Variants in PPP2R3A observed in about 807,000 individuals in gnomAD.
PPP2R3A encodes the protein serine/threonine-protein phosphatase 2A regulatory subunit B'' subunit alpha.
PPP2R3A carries 80 observed loss-of-function variants against 106.9 expected under a neutral mutation model. The ratio of observed to expected loss-of-function variants is 0.75; its 90% confidence interval spans 0.62 to 0.90. The LOEUF is 0.90. Among genes scored for constraint, PPP2R3A ranks in the 40% least tolerant of loss-of-function variants. PPP2R3A has a pLI of 0.00. For missense variants in PPP2R3A, 1,386 were observed against 1,350.4 expected, an observed-to-expected ratio of 1.03 and a Z score of -0.41; for synonymous variants, 483 against 468.3, an observed-to-expected ratio of 1.03 and a Z score of -0.41.
chr3:136,009,520 A>C lies in PPP2R3A; in HGVS notation c.1995+6027A>C, dbSNP rs550682652. Among the ~76,000 whole-genome samples, 3 of 152,258 alleles carry C rather than the reference A, an allele frequency of 2.0e-5. No individual in the cohort carries two copies. In the East Asian group the frequency reaches 5.8e-4, roughly 29 times the overall value. The stretch of plus-strand genomic sequence containing the variant: ...CTTCTCAATTCCTTGATCTCCTCTA[A>C]TGAGTCTGTCCTCTGCCCTTCTTCG... On this transcript the variant is annotated intron_variant, in intron 2 of 13. Transcript: ENST00000264977.
At chr3:136,103,447 G>C in intron 12 of PPP2R3A, 71 bp downstream of exon 12, 1 of 1,040,670 alleles carries the variant, frequency 9.6e-7, no homozygotes, top group Non-Finnish European at 1.4e-6. Context: ...ATATTAACAT[G>C]GTCTCTGCAT....
Position 136,003,453 on chromosome 3 carries a change from C to T in PPP2R3A, c.1955C>T (p.Thr652Ile), listed in dbSNP as rs1933728631. 5.6e-6 allele frequency: 9 copies of T among 1,613,052 alleles called. No individual in the cohort carries two copies. The highest frequency in any genetic ancestry group is 7.6e-6 in the Non-Finnish European group (9 of 1,179,588). ...SPVGDKAKDTTSAVLIQQTPE... is the reference protein window; with the variant it reads ...SPVGDKAKDTISAVLIQQTPE... ...GTTGGTGATAAAGCCAAAGATACTACTTCAGCAGTTTTGATTCAGCAGACT... is the reference window on the plus strand; with the variant it reads ...GTTGGTGATAAAGCCAAAGATACTATTTCAGCAGTTTTGATTCAGCAGACT... The change falls in exon 2 of 14, where the codon ACT (threonine) becomes ATT (isoleucine). Residue 652 changes from threonine (T) to isoleucine (I), a missense_variant. Coordinates refer to ENST00000264977, the MANE Select transcript of PPP2R3A (RefSeq NM_002718.5).
At chr3:136,063,544 A>G (rs1936153726) in intron 5 of PPP2R3A, among the ~76,000 whole-genome samples, 1 of 152,262 alleles carries the variant, frequency 6.6e-6, no homozygotes, top group African/African-American at 2.4e-5. Flanking sequence ...GCTAATATCT[A>G]GAATCTACAA....
chr3:136,116,031 A>T (rs1309298233), intron 13 of PPP2R3A, among the ~76,000 whole-genome samples: 1 of 152,170 alleles, frequency 6.6e-6, no homozygotes, highest in South Asian at 2.1e-4. Context: ...AAGCCCATCA[A>T]ACCAACAGCA....
chr3:135,996,566 A>G (rs1295680674), intron 1 of PPP2R3A, among the ~76,000 whole-genome samples: 2 of 152,244 alleles, frequency 1.3e-5, no homozygotes, highest in East Asian at 3.8e-4. Flanking sequence ...GAAGATATTT[A>G]GTAAATTGCT....
intron 4 of PPP2R3A, 32 bp from the exon 5 acceptor site, chr3:136,049,210 TTGTTTGTTCAGAGGAAC>T: frequency 7.4e-7 from 1 of 1,356,780 alleles, no homozygotes; most frequent in Non-Finnish European, 1.0e-6. Context: ...GTTATTGTCA[TTGTTTGTTCAGAGGAAC>T]TAATCTTCCT....
At chr3:136,078,921 AT>A in intron 7 of PPP2R3A, among the ~76,000 whole-genome samples, 1 of 152,320 alleles carries the variant, frequency 6.6e-6, no homozygotes, top group South Asian at 2.1e-4. Context: ...TCATTCAATT[AT>A]TTTATTCATA....
intron 13 of PPP2R3A, among the ~76,000 whole-genome samples, chr3:136,137,221 C>T (rs1559940982): frequency 6.6e-6 from 1 of 152,052 alleles, no homozygotes; most frequent in Non-Finnish European, 1.5e-5. Context: ...CTGAGACCCT[C>T]AATAATCAGA....
chr3:136,114,574 C>T (rs1171439327), intron 13 of PPP2R3A, among the ~76,000 whole-genome samples: 1 of 152,138 alleles, frequency 6.6e-6, no homozygotes, highest in Non-Finnish European at 1.5e-5. Context: ...CTGAGGTCAA[C>T]CTGGAACACT....
intron 8 of PPP2R3A, among the ~76,000 whole-genome samples, chr3:136,086,928 A>G (rs1936950921): frequency 1.3e-5 from 2 of 152,122 alleles, no homozygotes; most frequent in Non-Finnish European, 1.5e-5. Flanking sequence ...CAGGCTGGGC[A>G]TGGTGGCTCA....
intron 1 of PPP2R3A, among the ~76,000 whole-genome samples, chr3:136,000,411 A>C (rs1933576120): frequency 6.6e-6 from 1 of 152,204 alleles, no homozygotes; most frequent in South Asian, 2.1e-4. Context: ...AGAATGATTA[A>C]GTAAATTCTG....
intron 1 of PPP2R3A, among the ~76,000 whole-genome samples, chr3:135,967,254 A>T (rs968198279): frequency 4.6e-5 from 7 of 152,182 alleles, no homozygotes; most frequent in African/African-American, 1.7e-4. Flanking sequence ...GGGGAAACAG[A>T]TCAAAAAGGT....
chr3:136,043,080 T>A (rs780789204), intron 4 of PPP2R3A, among the ~76,000 whole-genome samples: 3 of 152,100 alleles, frequency 2.0e-5, no homozygotes, highest in Non-Finnish European at 4.4e-5. Context: ...TTAAAACATT[T>A]TGGAAAATAC....
Position 136,026,899 on chromosome 3 carries a change from C to G in PPP2R3A, c.2063C>G (p.Pro688Arg). 1.2e-6 allele frequency: 2 copies of G among 1,612,712 alleles called. No homozygotes were observed. Among genetic ancestry groups the G allele is most frequent in the Non-Finnish European group, 1.7e-6 (2 of 1,178,966 alleles). ...LPPPATSPSS[P>R]RPLSPVPHVN... ...CCTCCAGCCACCTCTCCAAGTAGTC[C>G]CCGACCTCTCTCCCCGGTTCCCCAT... Residue 688 changes from proline to arginine, a missense_variant, in exon 3 of 14, where the codon CCC (proline) becomes CGC (arginine). By Grantham distance (103) the Pro-to-Arg change is moderately radical. Transcript: ENST00000264977.
intron 13 of PPP2R3A, among the ~76,000 whole-genome samples, chr3:136,124,063 A>G (rs1938093942): frequency 6.6e-6 from 1 of 152,270 alleles, no homozygotes. Context: ...AAATTGAATT[A>G]AATTAGAAAA....
intron 6 of PPP2R3A, among the ~76,000 whole-genome samples, chr3:136,076,719 C>T (rs1440780560): frequency 2.0e-5 from 3 of 152,106 alleles, no homozygotes; most frequent in African/African-American, 7.2e-5. Flanking sequence ...GAGGCCGAGG[C>T]GGGTGGATCA....
intron 13 of PPP2R3A, among the ~76,000 whole-genome samples, chr3:136,120,991 T>G (rs953425914): frequency 1.3e-5 from 2 of 152,134 alleles, no homozygotes; most frequent in Admixed American, 1.3e-4. Context: ...TGGATGGGAA[T>G]GTAAATTAGT....
At chr3:136,006,177 G>A (rs1323151326) in intron 2 of PPP2R3A, among the ~76,000 whole-genome samples, 1 of 152,152 alleles carries the variant, frequency 6.6e-6, no homozygotes, top group Non-Finnish European at 1.5e-5. Flanking sequence ...TTAAAAGATT[G>A]TCTCCTGCCA....
chr3:136,135,757 T>A (rs2108024729), intron 13 of PPP2R3A, among the ~76,000 whole-genome samples: 1 of 152,146 alleles, frequency 6.6e-6, no homozygotes, highest in South Asian at 2.1e-4. Context: ...AGAAATACAA[T>A]GTAACATCAT....
Sources: allele counts gnomAD v4.1 joint callset (sites outside exome capture counted in the v4.1 genomes callset), GRCh38; gene constraint gnomAD v4.1.1; transcripts MANE v1.5; gene names NCBI Gene and HGNC (gene_info 2026-07-23, HGNC 2026-07-21).